PCDHGA9: variants seen among roughly 807,000 people sequenced by gnomAD.
PCDHGA9 encodes protocadherin gamma-A9.
PCDHGA9 carries 37 observed loss-of-function variants against 62.5 expected under a neutral mutation model. That is an observed-to-expected ratio of 0.59 (90% CI 0.46 to 0.78). The LOEUF (loss-of-function observed/expected upper bound fraction) is 0.78. Ranked by LOEUF, PCDHGA9 falls within the 30% of genes least tolerant of loss-of-function variation. The pLI, the probability that PCDHGA9 is intolerant of heterozygous loss-of-function variation, is 0.00. For missense variants in PCDHGA9, 1,138 were observed against 1,166.2 expected (o/e 0.98, Z 0.35); for synonymous variants, 459 against 484.6 (o/e 0.95, Z 0.69).
chr5:141,463,975 C>T lies in PCDHGA9; in HGVS notation c.2425-30832C>T, dbSNP rs145316182. Among the ~76,000 whole-genome samples the T allele has an allele frequency of 1.3e-3, 204 of 151,992 alleles. 1 individual carries two copies. Among genetic ancestry groups the T allele is most frequent in the African/African-American group, 4.8e-3 (198 of 41,474 alleles). The stretch of plus-strand genomic sequence containing the variant: ...TTTTTAAAATAGCTTCATAAAACTC[C>T]ATTGTAAAAACCAGGTGCAGTGGCT... On this transcript the variant is annotated intron_variant, in intron 1 of 3. Transcript: ENST00000573521.
At chr5:141,427,222 A>T (rs536161247) in intron 1 of PCDHGA9, 8 of 456,774 alleles carry the variant, frequency 1.8e-5, no homozygotes, top group Non-Finnish European at 3.5e-5. Flanking sequence ...CGTAGCAGTT[A>T]TACCATGAGA....
intron 3 of PCDHGA9, among the ~76,000 whole-genome samples, chr5:141,510,272 TAAAAAA>T (rs546154379): frequency 7.7e-6 from 1 of 130,390 alleles, no homozygotes; most frequent in Non-Finnish European, 1.6e-5. Context: ...GACTCCATCT[TAAAAAA>T]AAAAAAAAAA....
In PCDHGA9 at chr5:141,511,367, G is replaced by A. The variant is rs563286583; in HGVS notation, c.*194G>A. ...CCTTCCCCCCCAGGGGGTTGAATAT[G>A]CAAAAGCAGTTCCGCTGGGAACCCC... On this transcript the variant is annotated 3_prime_UTR_variant, in exon 4 of 4. Coordinates refer to ENST00000573521, the MANE Select transcript of PCDHGA9 (RefSeq NM_018921.3). 2.3e-6 allele frequency: 3 copies of A among 1,299,952 alleles called. No individual in the cohort carries two copies. Among genetic ancestry groups the A allele is most frequent in the Non-Finnish European group, 3.1e-6 (3 of 967,442 alleles). 80.5% of individuals were successfully genotyped at this position (1,299,952 alleles called of 1,614,324 possible).
chr5:141,487,451 A>G lies in PCDHGA9; in HGVS notation c.2425-7356A>G. 6.2e-7 allele frequency: 1 copy of G among 1,614,122 alleles called. No homozygotes were observed. Among genetic ancestry groups the G allele is most frequent in the Non-Finnish European group, 8.5e-7 (1 of 1,180,006 alleles). On this transcript the variant is annotated intron_variant, in intron 1 of 3. Transcript: ENST00000573521. This position sits in a 1 kb window ranked among gnomAD's most constrained non-coding sequence, Gnocchi z 5.0. ...AATCCAGCTAGGGTCAGATGACCCT[A>G]TCAAGTTTGTTGATGTGGGAGGCCA...
Position 141,491,793 on chromosome 5 carries a change from C to T in PCDHGA9, c.2425-3014C>T, listed in dbSNP as rs2099730341. 4.0e-6 allele frequency: 6 copies of T among 1,511,410 alleles called. No individual in the cohort carries two copies. Among genetic ancestry groups the T allele is most frequent in the East Asian group, 2.5e-5 (1 of 40,660 alleles). The allele number at this position is 1,511,410 out of a possible 1,614,324, so 93.6% of individuals were successfully genotyped here. A position where few individuals can be genotyped will look rare whatever the true frequency, so the allele number is the denominator to read the frequency against. On this transcript the variant is annotated intron_variant, in intron 1 of 3. Transcript: ENST00000573521. This position sits in a 1 kb window ranked among gnomAD's most constrained non-coding sequence, Gnocchi z 6.9. ...AGGGATTGAACTTGCATCCACTCCT[C>T]TCCGGCCGGCTTGGTCGCTGGCTGC...
At position 141,487,344 on chromosome 5, in the gene PCDHGA9, C is replaced by T. The variant is rs1232854025; in HGVS notation, c.2425-7463C>T. On this transcript the variant is annotated intron_variant, in intron 1 of 3. Coordinates refer to ENST00000573521, the MANE Select transcript of PCDHGA9 (RefSeq NM_018921.3). This position sits in a 1 kb window ranked among gnomAD's most constrained non-coding sequence, Gnocchi z 5.0. ...CTTCGTGGGGCAGCCTGTGGAGTCA[C>T]ATGCTTTCCTGCTGGCACCTGTGCC... 3 of 1,614,208 alleles carry T rather than the reference C, an allele frequency of 1.9e-6. No individual in the cohort carries two copies. The highest frequency in any genetic ancestry group is 3.3e-5 in the Admixed American group (2 of 60,024).
intron 2 of PCDHGA9, among the ~76,000 whole-genome samples, chr5:141,503,963 C>T (rs900066192): frequency 7.2e-5 from 11 of 152,188 alleles, no homozygotes; most frequent in Admixed American, 6.5e-4. Flanking sequence ...ACAGCCTTTC[C>T]CATGGTGCCA....
intron 1 of PCDHGA9, chr5:141,422,453 G>GA: frequency 6.2e-7 from 1 of 1,611,704 alleles, no homozygotes. Context: ...ATAACAAGCA[G>GA]AGTGCTGGAC....
chr5:141,461,506 AT>A (rs1406680307), intron 1 of PCDHGA9, among the ~76,000 whole-genome samples: 2 of 151,524 alleles, frequency 1.3e-5, no homozygotes, highest in Non-Finnish European at 1.5e-5. Context: ...TTTCTTGGTG[AT>A]TTGTTAGTTC....
rs760575047 is a variant in PCDHGA9 at position 141,493,887 on chromosome 5, G to A, written c.2425-920G>A. Among the ~76,000 whole-genome samples the A allele has an allele frequency of 1.3e-5, 2 of 152,184 alleles. No individual in the cohort carries two copies. The highest frequency in any genetic ancestry group is 2.4e-5 in the African/African-American group (1 of 41,448). On this transcript the variant is annotated intron_variant, in intron 1 of 3. Coordinates refer to ENST00000573521, the MANE Select transcript of PCDHGA9 (RefSeq NM_018921.3). The surrounding 1 kb of genome is among the most constrained non-coding windows in gnomAD (Gnocchi z 4.3). Reference sequence around the variant, plus strand: ...AGAACCAGTGAGGAGGTGGCTCTAGGAGTGCTCCATGAGAGTGTGTGATGG... The same window carrying A: ...AGAACCAGTGAGGAGGTGGCTCTAGAAGTGCTCCATGAGAGTGTGTGATGG...
chr5:141,435,883 C>A (rs1458527952), intron 1 of PCDHGA9, among the ~76,000 whole-genome samples: 1 of 152,020 alleles, frequency 6.6e-6, no homozygotes, highest in African/African-American at 2.4e-5. Flanking sequence ...GATTGGAAAC[C>A]CCTTAGAGAA....
At chr5:141,471,892 T>C (rs1429425311) in intron 1 of PCDHGA9, among the ~76,000 whole-genome samples, 1 of 152,166 alleles carries the variant, frequency 6.6e-6, no homozygotes, top group Admixed American at 6.6e-5. Context: ...GCTAGGAAGA[T>C]TGACTACAGA....
chr5:141,430,594 C>T, intron 1 of PCDHGA9: 3 of 563,604 alleles, frequency 5.3e-6, no homozygotes, highest in Non-Finnish European at 5.7e-6. Flanking sequence ...GCCTTGCACG[C>T]GCCTGAAGCA....
At chr5:141,478,045 T>C in intron 1 of PCDHGA9, 3 of 1,614,144 alleles carry the variant, frequency 1.9e-6, no homozygotes, top group East Asian at 2.2e-5. Flanking sequence ...CCAGGCAGAC[T>C]CTCACGGTCT....
At chr5:141,408,590 G>A (rs776799830) in intron 1 of PCDHGA9, 4 of 1,613,956 alleles carry the variant, frequency 2.5e-6, no homozygotes, top group East Asian at 2.2e-5. Context: ...TAATGACCAC[G>A]CCCCTCAATT....
intron 1 of PCDHGA9, among the ~76,000 whole-genome samples, chr5:141,429,780 A>G (rs1301908729): frequency 1.3e-5 from 2 of 152,222 alleles, no homozygotes; most frequent in Non-Finnish European, 2.9e-5. Flanking sequence ...ATGGGCTTCC[A>G]AAAGTATTAC....
chr5:141,478,307 G>T, intron 1 of PCDHGA9: 3 of 1,614,056 alleles, frequency 1.9e-6, no homozygotes, highest in Non-Finnish European at 2.5e-6. Context: ...CCGAGCCCCG[G>T]TGAGCTCACT....
In PCDHGA9 at chr5:141,419,425, C is replaced by T. The variant is rs3749766; in HGVS notation, c.2424+14049C>T. Reference sequence around the variant, plus strand: ...TGTTCGCGCAGCGCGCCTTCGACCACGAGCAGCTGCGCACCTTCGAGCTCA... The same window carrying T: ...TGTTCGCGCAGCGCGCCTTCGACCATGAGCAGCTGCGCACCTTCGAGCTCA... On this transcript the variant is annotated intron_variant, in intron 1 of 3. Transcript: ENST00000573521. 284 of 1,613,316 alleles carry T rather than the reference C, an allele frequency of 1.8e-4. 1 individual carries two copies. The East Asian group carries it at 5.9e-3, about 34-fold the overall frequency.
chr5:141,475,616 G>A (rs2099366026), intron 1 of PCDHGA9, among the ~76,000 whole-genome samples: 1 of 152,206 alleles, frequency 6.6e-6, no homozygotes, highest in Admixed American at 6.5e-5. Flanking sequence ...GTAGTTTTCG[G>A]TTTGGTTCGA....
Sources: gnomAD v4.1 joint callset for allele counts (sites outside exome capture counted in the v4.1 genomes callset) on GRCh38, gnomAD v4.1.1 for gene constraint, Gnocchi (gnomAD v3.1) non-coding constraint, MANE v1.5 for transcripts, NCBI Gene and HGNC (gene_info 2026-07-23, HGNC 2026-07-21) for gene names.